LRP2: variants seen among roughly 807,000 people sequenced by gnomAD.
LRP2 encodes low-density lipoprotein receptor-related protein 2.
In LRP2, 172 loss-of-function variants were observed where a neutral mutation model predicts 531.0. That is an observed-to-expected ratio of 0.32 (90% confidence interval 0.29 to 0.37). The LOEUF is 0.37. Ranked by LOEUF, LRP2 falls within the 10% of genes least tolerant of loss-of-function variation. The probability of loss-of-function intolerance (pLI) is 1.00; values close to 1 mark genes in which losing one functional copy is unlikely to be tolerated. For synonymous variants in LRP2, 1,992 were observed against 2,027.6 expected (o/e 0.98, Z 0.47); for missense variants, 5,167 against 5,868.3 (o/e 0.88, Z 3.90).
chr2:169,360,865 T>C (rs1198734189), intron 1 of LRP2, among the ~76,000 whole-genome samples: 1 of 152,182 alleles, frequency 6.6e-6, no homozygotes, highest in Non-Finnish European at 1.5e-5. Context: ...GTATAATTAC[T>C]TACTTGATTC....
At chr2:169,132,177 A>G (rs1295750076) in intron 77 of LRP2, among the ~76,000 whole-genome samples, 2 of 152,218 alleles carry the variant, frequency 1.3e-5, no homozygotes, top group African/African-American at 4.8e-5. Flanking sequence ...TTGAAAGAAT[A>G]AAGATGCATG....
chr2:169,258,972 G>T, intron 17 of LRP2, 53 bp downstream of exon 17: 2 of 1,483,830 alleles, frequency 1.3e-6, no homozygotes, highest in South Asian at 2.3e-5. Flanking sequence ...ACTTTTCAAT[G>T]ACTGTAAAAG....
intron 1 of LRP2, among the ~76,000 whole-genome samples, chr2:169,337,313 G>A (rs1685433269): frequency 6.6e-6 from 1 of 152,188 alleles, no homozygotes; most frequent in Non-Finnish European, 1.5e-5. Context: ...GCTTGATGGA[G>A]CAGATTGTAG....
intron 1 of LRP2, among the ~76,000 whole-genome samples, chr2:169,351,962 G>A (rs1685862731): frequency 6.6e-6 from 1 of 152,180 alleles, no homozygotes; most frequent in South Asian, 2.1e-4. Flanking sequence ...GGATGGTGAA[G>A]AGGCGGTAGG....
chr2:169,334,136 A>G (rs1685339558), intron 1 of LRP2, among the ~76,000 whole-genome samples: 1 of 152,214 alleles, frequency 6.6e-6, no homozygotes. Flanking sequence ...AAAGCAGGGT[A>G]TATTTCCTAA....
intron 48 of LRP2, among the ~76,000 whole-genome samples, 153 bp from the exon 49 acceptor site, chr2:169,188,418 C>A (rs1378883826): frequency 6.6e-6 from 1 of 152,176 alleles, no homozygotes. Context: ...TTTCCCCCAT[C>A]ATCTTCGTCT....
chr2:169,285,521 C>T (rs964586488), intron 9 of LRP2, among the ~76,000 whole-genome samples: 2 of 152,136 alleles, frequency 1.3e-5, no homozygotes, highest in Non-Finnish European at 2.9e-5. Flanking sequence ...CCTCTCACTC[C>T]AATACCTTTA....
Position 169,185,825 on chromosome 2 carries a change from T to C in LRP2, c.9523A>G (p.Ile3175Val), listed in dbSNP as rs749641536. ...QKCENVIGSY[I>V]CKCAPGYLRE... ...AGGTAGCCTGGGGCACACTTACAGA[T>C]GTAGGAGCCTATTACATTCTCACAC... The change falls in exon 50 of 79, where the codon ATC becomes GTC. Residue 3175 changes from isoleucine to valine, a missense_variant. Physicochemically the swap from Ile to Val is conservative, Grantham distance 29. Around this residue, in one of 6 missense-constraint regions of LRP2, gnomAD observed 1,129 missense variants for 1,362.7 expected, o/e 0.83. Coordinates refer to ENST00000649046, the MANE Select transcript of LRP2 (RefSeq NM_004525.3). 1.2e-6 allele frequency: 2 copies of C among 1,614,006 alleles called. No individual in the cohort carries two copies. Among genetic ancestry groups the C allele is most frequent in the African/African-American group, 1.3e-5 (1 of 74,992 alleles).
intron 3 of LRP2, among the ~76,000 whole-genome samples, chr2:169,315,512 G>A (rs1242287378): frequency 3.9e-5 from 6 of 152,158 alleles, no homozygotes; most frequent in East Asian, 3.9e-4. Flanking sequence ...CAGCTTGCAC[G>A]GAGACAAAAG....
intron 3 of LRP2, among the ~76,000 whole-genome samples, chr2:169,309,044 TC>T (rs561042662): frequency 2.6e-4 from 39 of 152,336 alleles, no homozygotes; most frequent in African/African-American, 9.1e-4. Context: ...TCTGTTCATG[TC>T]CTTTGCCCAC....
intron 22 of LRP2, among the ~76,000 whole-genome samples, chr2:169,243,939 G>A (rs1689909805): frequency 6.6e-6 from 1 of 152,156 alleles, no homozygotes; most frequent in African/African-American, 2.4e-5. Flanking sequence ...CCCAAAACTG[G>A]ATTTAAAAGT....
chr2:169,234,917 T>TGG (rs1689548142), intron 29 of LRP2, among the ~76,000 whole-genome samples: 1 of 151,954 alleles, frequency 6.6e-6, no homozygotes, highest in Admixed American at 6.5e-5. Flanking sequence ...TTTTTGTTTT[T>TGG]TTTTTTTTTG....
rs771595990 is a variant in LRP2 at position 169,145,862 on chromosome 2, C to A, written c.12873G>T (p.Lys4291Asn). ...EDQLYWISKE[K>N]GEVWKQNKFG... is the part of the protein sequence containing the mutation. ...ATTTATTTTGTTTCCATACTTCTCCCTTTTCCTTAGATATCCAGTATAACT... is the reference window on the plus strand; with the variant it reads ...ATTTATTTTGTTTCCATACTTCTCCATTTTCCTTAGATATCCAGTATAACT... Residue 4291 changes from lysine to asparagine, a missense_variant, in exon 70 of 79, where the codon AAG becomes AAT. Physicochemically the swap from Lys to Asn is moderately conservative, Grantham distance 94. Coordinates refer to ENST00000649046, the MANE Select transcript of LRP2 (RefSeq NM_004525.3). 3.1e-6 allele frequency: 5 copies of A among 1,614,120 alleles called. No individual in the cohort carries two copies. The highest frequency in any genetic ancestry group is 4.2e-6 in the Non-Finnish European group (5 of 1,179,998).
Position 169,311,330 on chromosome 2 carries a change from G to A in LRP2, c.311-3933C>T, listed in dbSNP as rs1371624304. Reference sequence around the variant, plus strand: ...TTAGATCTTTCCTGCTTTCTCTTGTGGGCATTTAGTGCTATAAATTTCCCT... The same window carrying A: ...TTAGATCTTTCCTGCTTTCTCTTGTAGGCATTTAGTGCTATAAATTTCCCT... On this transcript the variant is annotated intron_variant, in intron 3 of 78. Coordinates refer to ENST00000649046, the MANE Select transcript of LRP2 (RefSeq NM_004525.3). Among the ~76,000 whole-genome samples, 4 of 152,216 alleles carry A rather than the reference G, an allele frequency of 2.6e-5. No homozygotes were observed. In the East Asian group the frequency reaches 5.8e-4, roughly 22 times the overall value.
intron 45 of LRP2, 27 bp from the exon 46 acceptor site, chr2:169,197,057 C>T (rs1327639746): frequency 6.2e-7 from 1 of 1,612,362 alleles, no homozygotes; most frequent in Non-Finnish European, 8.5e-7. Context: ...AGATAAAACC[C>T]ATGAGCAAAA....
intron 23 of LRP2, 84 bp from the exon 24 acceptor site, chr2:169,243,156 C>T: frequency 2.6e-6 from 3 of 1,172,776 alleles, no homozygotes; most frequent in South Asian, 1.2e-5. Flanking sequence ...TGTTGTTATA[C>T]TTTAAGTTCT....
At position 169,138,592 on chromosome 2, in the gene LRP2, G is replaced by A. The variant is rs1386727427; in HGVS notation, c.13503C>T (p.Asp4501=). 1.2e-6 allele frequency: 2 copies of A among 1,613,890 alleles called. No individual in the cohort carries two copies. The highest frequency in any genetic ancestry group is 2.2e-5 in the South Asian group (2 of 91,074). ...CCATACTCACCATTGCCATTGACCT[G>A]TCAATAGCAGTCTCAGGTCCAAAAC... ...VSGFGPETAI[D]RSMAMSEDFV... The change falls in exon 75 of 79, where the codon GAC becomes GAT. Residue 4501 remains aspartate, a synonymous_variant. Coordinates refer to ENST00000649046, the MANE Select transcript of LRP2 (RefSeq NM_004525.3).
chr2:169,317,164 A>G lies in LRP2; in HGVS notation c.310+1598T>C, dbSNP rs186852533. Among the ~76,000 whole-genome samples, 87 of 152,342 alleles carry G rather than the reference A, an allele frequency of 5.7e-4. 1 individual carries two copies. The Middle Eastern group carries it at 0.027, about 48-fold the overall frequency. On this transcript the variant is annotated intron_variant, in intron 3 of 78. Coordinates refer to ENST00000649046, the MANE Select transcript of LRP2 (RefSeq NM_004525.3). ...GCAATATTGTTTTAAAATGACTGCTATAAACTTATCTCCAGTCTCTTTTCC... is the reference window on the plus strand; with the variant it reads ...GCAATATTGTTTTAAAATGACTGCTGTAAACTTATCTCCAGTCTCTTTTCC...
chr2:169,247,619 T>C, intron 19 of LRP2, 104 bp from the exon 20 acceptor site: 1 of 1,180,000 alleles, frequency 8.5e-7, no homozygotes, highest in Non-Finnish European at 1.3e-6. Context: ...GCAAGTACGA[T>C]CATCTCCCCC....
Sources: gnomAD v4.1 joint callset for allele counts (sites outside exome capture counted in the v4.1 genomes callset) on GRCh38, gnomAD v4.1.1 for gene constraint, gnomAD v4.1.1 regional missense constraint, MANE v1.5 for transcripts, NCBI Gene and HGNC (gene_info 2026-07-23, HGNC 2026-07-21) for gene names.